Variants in MSRA observed in about 807,000 individuals in gnomAD.
The protein encoded by MSRA is methionine sulfoxide reductase A, also known as mitochondrial peptide methionine sulfoxide reductase.
Under a neutral mutation model 31.3 loss-of-function variants are expected in MSRA, and 54 were observed. That is an observed-to-expected ratio of 1.73 (90% confidence interval 1.39 to 2.17). The LOEUF (loss-of-function observed/expected upper bound fraction) is 2.17, where lower values mean the gene tolerates loss of function less well. Among genes scored for constraint, MSRA ranks in the 30% most tolerant of loss-of-function variants. The pLI, the probability that MSRA is intolerant of heterozygous loss-of-function variation, is 0.00. For synonymous variants in MSRA, 169 were observed against 116.5 expected (o/e 1.45, Z -2.90); for missense variants, 507 against 300.9 (o/e 1.69, Z -5.07).
rs569578691 is a variant in MSRA, at chr8:10,264,465, C to A, written c.331+19242C>A. ...TCTTTTTCAAAATTTTCTCTTTTTG[C>A]AACATTTCCAGCTATATTTCAACTT... On this transcript the variant is annotated intron_variant, in intron 3 of 5. Coordinates refer to ENST00000317173, the MANE Select transcript of MSRA (RefSeq NM_012331.5). Among the ~76,000 whole-genome samples the A allele has an allele frequency of 2.9e-4, 44 of 152,304 alleles. No homozygotes were observed. In the South Asian group the frequency reaches 9.1e-3, roughly 32 times the overall value.
At chr8:10,396,322 G>T (rs551213186) in intron 5 of MSRA, among the ~76,000 whole-genome samples, 1 of 152,138 alleles carries the variant, frequency 6.6e-6, no homozygotes, top group African/African-American at 2.4e-5. Flanking sequence ...TACACACTGA[G>T]TGGGAAGAGC....
At chr8:10,368,798 G>A (rs765315130) in intron 5 of MSRA, among the ~76,000 whole-genome samples, 3 of 152,206 alleles carry the variant, frequency 2.0e-5, no homozygotes, top group African/African-American at 2.4e-5. Context: ...TTTGCTGCCC[G>A]CACATGCTTG....
At chr8:10,251,398 TAGTC>T (rs1374710853) in intron 3 of MSRA, among the ~76,000 whole-genome samples, 3 of 152,150 alleles carry the variant, frequency 2.0e-5, no homozygotes, top group Non-Finnish European at 2.9e-5. Context: ...TTTTAGTGCA[TAGTC>T]AGTCTTATTG....
At chr8:10,151,410 G>T (rs927625262) in intron 1 of MSRA, among the ~76,000 whole-genome samples, 1 of 152,176 alleles carries the variant, frequency 6.6e-6, no homozygotes, top group Non-Finnish European at 1.5e-5. Flanking sequence ...TTGGGAGGCT[G>T]AGGTGGGCGG....
At chr8:10,169,057 C>G (rs1450174425) in intron 1 of MSRA, among the ~76,000 whole-genome samples, 1 of 152,198 alleles carries the variant, frequency 6.6e-6, no homozygotes, top group Non-Finnish European at 1.5e-5. Flanking sequence ...CCATAACCTT[C>G]TCTCATGCTG....
intron 3 of MSRA, among the ~76,000 whole-genome samples, chr8:10,300,084 A>G (rs754849829): frequency 6.6e-6 from 1 of 151,956 alleles, no homozygotes; most frequent in Admixed American, 6.6e-5. Flanking sequence ...TATAGTGGTA[A>G]GAGAGAAAAG....
At chr8:10,388,634 T>A (rs1806542126) in intron 5 of MSRA, among the ~76,000 whole-genome samples, 1 of 152,166 alleles carries the variant, frequency 6.6e-6, no homozygotes, top group African/African-American at 2.4e-5. Flanking sequence ...GAATCCTGGC[T>A]TCTTCCCATT....
intron 1 of MSRA, among the ~76,000 whole-genome samples, chr8:10,065,864 T>A (rs1797429671): frequency 6.6e-6 from 1 of 152,008 alleles, no homozygotes; most frequent in East Asian, 1.9e-4. Context: ...TGGTTTCTTG[T>A]CCCAGTGGCG....
chr8:10,320,648 A>G (rs2129138184), intron 5 of MSRA, among the ~76,000 whole-genome samples: 1 of 152,142 alleles, frequency 6.6e-6, no homozygotes, highest in East Asian at 1.9e-4. Flanking sequence ...ACAAACAGTC[A>G]CAGCCTGGTT....
Position 10,358,418 on chromosome 8 carries a change from A to C in MSRA, c.543+38429A>C, listed in dbSNP as rs185396247. On this transcript the variant is annotated intron_variant, in intron 5 of 5. Coordinates refer to ENST00000317173, the MANE Select transcript of MSRA (RefSeq NM_012331.5). Reference sequence around the variant, plus strand: ...CCCCCAATTTTTGTGGCTATGTCATATTTGCATTATCAGATCATATAACCT... The same window carrying C: ...CCCCCAATTTTTGTGGCTATGTCATCTTTGCATTATCAGATCATATAACCT... Among the ~76,000 whole-genome samples, 422 of 152,106 alleles carry C rather than the reference A, an allele frequency of 2.8e-3. 4 individuals are homozygous for C. Among genetic ancestry groups the C allele is most frequent in the Admixed American group, 0.01 (155 of 15,284 alleles).
chr8:10,184,614 A>G (rs1001654327), intron 1 of MSRA, among the ~76,000 whole-genome samples: 1 of 152,054 alleles, frequency 6.6e-6, no homozygotes, highest in Non-Finnish European at 1.5e-5. Flanking sequence ...CATATTAAAA[A>G]CAACTCTAAG....
intron 3 of MSRA, among the ~76,000 whole-genome samples, chr8:10,278,687 T>C (rs1799455345): frequency 6.6e-6 from 1 of 152,170 alleles, no homozygotes; most frequent in African/African-American, 2.4e-5. Flanking sequence ...TTTTTAGAGA[T>C]GAGAGATAGA....
At chr8:10,400,907 A>G (rs1041690202) in intron 5 of MSRA, among the ~76,000 whole-genome samples, 8 of 152,242 alleles carry the variant, frequency 5.3e-5, no homozygotes, top group African/African-American at 1.9e-4. Flanking sequence ...TATAAGAGCT[A>G]AAACGATAAA....
chr8:10,161,692 G>T (rs573449106), intron 1 of MSRA, among the ~76,000 whole-genome samples: 1 of 152,068 alleles, frequency 6.6e-6, no homozygotes, highest in Admixed American at 6.5e-5. Flanking sequence ...CCCGGGTTCT[G>T]CATCTGGGGT....
intron 5 of MSRA, among the ~76,000 whole-genome samples, chr8:10,369,622 T>C (rs1191229822): frequency 6.6e-6 from 1 of 152,216 alleles, no homozygotes; most frequent in African/African-American, 2.4e-5. Context: ...ATTTATAATA[T>C]ATTAAAATTT....
chr8:10,241,455 C>G (rs1183798203), intron 2 of MSRA, among the ~76,000 whole-genome samples: 2 of 152,264 alleles, frequency 1.3e-5, no homozygotes, highest in South Asian at 4.1e-4. Context: ...TTAAAAAACT[C>G]TTCGATTAGC....
chr8:10,090,662 C>A (rs1036950238), intron 1 of MSRA, among the ~76,000 whole-genome samples: 5 of 152,164 alleles, frequency 3.3e-5, no homozygotes, highest in African/African-American at 1.2e-4. Flanking sequence ...CAAAAGGAAA[C>A]CCCATAGTCA....
chr8:10,195,370 A>G (rs1422604076), intron 1 of MSRA, among the ~76,000 whole-genome samples: 1 of 152,134 alleles, frequency 6.6e-6, no homozygotes, highest in African/African-American at 2.4e-5. Context: ...CCTTCTGAGT[A>G]GCTGGGACTA....
At chr8:10,079,260 G>A (rs1252880257) in intron 1 of MSRA, among the ~76,000 whole-genome samples, 3 of 152,072 alleles carry the variant, frequency 2.0e-5, no homozygotes, top group East Asian at 3.9e-4. Flanking sequence ...CTGGGCTTAG[G>A]TGATCCTCCC....
Sources: allele counts gnomAD v4.1 joint callset (sites outside exome capture counted in the v4.1 genomes callset), GRCh38; gene constraint gnomAD v4.1.1; transcripts MANE v1.5; gene names NCBI Gene and HGNC (gene_info 2026-07-23, HGNC 2026-07-21).